Variants in SOX9 observed in about 807,000 individuals in gnomAD.
SOX9 encodes transcription factor SOX-9.
A neutral mutation model predicts 44.8 loss-of-function variants in SOX9; 2 were observed. The ratio of observed to expected loss-of-function variants is 0.04; its 90% CI spans 0.02 to 0.14. SOX9 has a LOEUF of 0.14. SOX9 is among the 10% of genes least tolerant of loss of function. The probability of loss-of-function intolerance (pLI) is 1.00; values close to 1 mark genes in which losing one functional copy is unlikely to be tolerated. For missense variants in SOX9, 583 were observed against 728.6 expected, an observed-to-expected ratio of 0.80 and a Z score of 2.30; for synonymous variants, 381 against 331.8, an observed-to-expected ratio of 1.15 and a Z score of -1.61.
At position 72,123,027 on chromosome 17, in the gene SOX9, C is replaced by T. The variant is rs1908157561; in HGVS notation, c.685+55C>T. 1 of 1,595,512 alleles carries T rather than the reference C, an allele frequency of 6.3e-7. No individual in the cohort carries two copies. Among genetic ancestry groups the T allele is most frequent in the Non-Finnish European group, 8.5e-7 (1 of 1,172,872 alleles). On this transcript the variant is annotated intron_variant, in intron 2 of 2. Coordinates refer to ENST00000245479, the MANE Select transcript of SOX9 (RefSeq NM_000346.4). This position sits in a 1 kb window ranked among gnomAD's most constrained non-coding sequence, Gnocchi z 6.5. ...GCTATCTCCGTCCCGCCTGGCACAC[C>T]CCCTGCCCTCCGCCTGGGAGATTCT...
rs1178870265 is a variant in SOX9 at position 72,124,920 on chromosome 17, A to C, written c.*533A>C. ...AATTAAATGCTCTTATTTTTCCAAC[A>C]GCTAAACTACTCTTAGTTGAACAGT... On this transcript the variant is annotated 3_prime_UTR_variant, in exon 3 of 3. Transcript: ENST00000245479. The surrounding 1 kb of genome is among the most constrained non-coding windows in gnomAD (Gnocchi z 4.6). 1 of 241,206 alleles carries C rather than the reference A, an allele frequency of 4.1e-6. No homozygotes were observed. The highest frequency in any genetic ancestry group is 2.2e-5 in the African/African-American group (1 of 45,012). The allele number at this position is 241,206 out of a possible 1,614,324, so 14.9% of individuals were successfully genotyped here.
intron 1 of SOX9, among the ~76,000 whole-genome samples, chr17:72,122,176 G>A (rs1428145253): frequency 1.3e-5 from 2 of 151,942 alleles, no homozygotes; most frequent in East Asian, 1.9e-4. Context: ...CCTCCTACCC[G>A]GCCTCTTAAA....
rs774405051 is a variant in SOX9, at chr17:72,123,866, T to G, written c.1009T>G (p.Ser337Ala). 6.4e-7 allele frequency: 1 copy of G among 1,560,232 alleles called. No homozygotes were observed. Among genetic ancestry groups the G allele is most frequent in the South Asian group, 1.2e-5 (1 of 86,810 alleles). ...TPASAGHVWM[S>A]KQQAPPPPPQ... The stretch of plus-strand genomic sequence containing the variant: ...GGCGAGCGCGGGCCACGTGTGGATG[T>G]CCAAGCAGCAGGCGCCGCCGCCACC... Residue 337 changes from serine (S) to alanine (A), a missense_variant, in exon 3 of 3, where the codon TCC becomes GCC. By Grantham distance (99) the Ser-to-Ala change is moderately conservative. This residue lies in a region of SOX9 where 349 missense variants were observed against 387.0 expected (regional missense o/e 0.90). Transcript: ENST00000245479. The surrounding 1 kb of genome is among the most constrained non-coding windows in gnomAD (Gnocchi z 6.5).
Position 72,123,447 on chromosome 17 carries a change from T to C in SOX9, c.686-96T>C, listed in dbSNP as rs1908172302. ...CGCGGGTGCGGGCCCTTATTACACT[T>C]TAGCAGCGAGGGAGGGTCCCCGGAG... On this transcript the variant is annotated intron_variant, in intron 2 of 2. Coordinates refer to ENST00000245479, the MANE Select transcript of SOX9 (RefSeq NM_000346.4). The surrounding 1 kb of genome is among the most constrained non-coding windows in gnomAD (Gnocchi z 6.5). 1.3e-6 allele frequency: 2 copies of C among 1,560,062 alleles called. No individual in the cohort carries two copies. The highest frequency in any genetic ancestry group is 1.8e-6 in the Non-Finnish European group (2 of 1,133,768).
chr17:72,121,860 C>A lies in SOX9; in HGVS notation c.431+38C>A. 1.3e-6 allele frequency: 2 copies of A among 1,510,486 alleles called. No individual in the cohort carries two copies. The highest frequency in any genetic ancestry group is 1.8e-6 in the Non-Finnish European group (2 of 1,129,536). 93.6% of individuals were successfully genotyped at this position (1,510,486 alleles called of 1,614,324 possible). ...GGGGGCGGCGCGGCAGGGTGGGCAT[C>A]GCGGCGGCTGGGGGCGCTGGTCAGG... On this transcript the variant is annotated intron_variant, in intron 1 of 2. Coordinates refer to ENST00000245479, the MANE Select transcript of SOX9 (RefSeq NM_000346.4). The surrounding 1 kb of genome is among the most constrained non-coding windows in gnomAD (Gnocchi z 8.3).
Position 72,121,294 on chromosome 17 carries a change from C to A in SOX9, c.-98C>A. On this transcript the variant is annotated 5_prime_UTR_variant, in exon 1 of 3. Transcript: ENST00000245479. The surrounding 1 kb of genome is among the most constrained non-coding windows in gnomAD (Gnocchi z 8.3). ...TCCCCGGGAGCCGCTTGCTCCGCAT[C>A]CGGGCAGCCGAGGGGAGAGGAGCCC... 8.8e-7 allele frequency: 1 copy of A among 1,141,484 alleles called. No individual in the cohort carries two copies. The highest frequency in any genetic ancestry group is 1.3e-6 in the Non-Finnish European group (1 of 775,928). 70.7% of individuals were successfully genotyped at this position (1,141,484 alleles called of 1,614,324 possible).
chr17:72,123,321 C>A lies in SOX9; in HGVS notation c.686-222C>A, dbSNP rs951897875. ...ACAAGTAGCAATTAGGTCTTCCGGA[C>A]CCTCCGGGCCCCAGACCCTCCCCTG... On this transcript the variant is annotated intron_variant, in intron 2 of 2. Transcript: ENST00000245479. This position sits in a 1 kb window ranked among gnomAD's most constrained non-coding sequence, Gnocchi z 6.5. 2.6e-5 allele frequency among the ~76,000 whole-genome samples: 4 copies of A among 152,228 alleles called. No individual in the cohort carries two copies. Among genetic ancestry groups the A allele is most frequent in the Admixed American group, 1.3e-4 (2 of 15,290 alleles).
rs1435920130 is a variant in SOX9, at chr17:72,126,287, G to C, written c.*1900G>C. On this transcript the variant is annotated 3_prime_UTR_variant, in exon 3 of 3. Transcript: ENST00000245479. ...AAGCTTTGGTTTGTGTTCGTGTTTT[G>C]TTTGTTTCACTTGTTTCCCTCCCAG... 1.3e-5 allele frequency: 3 copies of C among 231,602 alleles called. No homozygotes were observed. The allele number at this position is 231,602 out of a possible 1,614,324, so 14.3% of individuals were successfully genotyped here.
At position 72,122,948 on chromosome 17, in the gene SOX9, G is replaced by A; in HGVS notation, c.661G>A (p.Val221Met). The change falls in exon 2 of 3, where the codon GTG (valine) becomes ATG (methionine). Residue 221 changes from valine (V) to methionine (M), a missense_variant. Physicochemically the swap from Val to Met is conservative, Grantham distance 21. Coordinates refer to ENST00000245479, the MANE Select transcript of SOX9 (RefSeq NM_000346.4). ...ACACTCCTCCTCCGGCATGAGCGAG[G>A]TGCACTCCCCCGGCGAGCACTCGGG... is the stretch of plus-strand genomic sequence containing the variant. Reference protein sequence around the residue: ...SPHSSSGMSEVHSPGEHSGQS... With the variant: ...SPHSSSGMSEMHSPGEHSGQS... 1 of 1,613,856 alleles carries A rather than the reference G, an allele frequency of 6.2e-7. No individual in the cohort carries two copies. The highest frequency in any genetic ancestry group is 1.1e-5 in the South Asian group (1 of 91,080).
rs1468245627 is a variant in SOX9, at chr17:72,124,418, G to C, written c.*31G>C. On this transcript the variant is annotated 3_prime_UTR_variant, in exon 3 of 3. Transcript: ENST00000245479. The surrounding 1 kb of genome is among the most constrained non-coding windows in gnomAD (Gnocchi z 4.6). ...CCTCCCACGAAGGGCGAAGATGGCCGAGATGATCCTAAAAATAACCGAAGA... is the reference window on the plus strand; with the variant it reads ...CCTCCCACGAAGGGCGAAGATGGCCCAGATGATCCTAAAAATAACCGAAGA... 2 of 1,598,490 alleles carry C rather than the reference G, an allele frequency of 1.3e-6. No individual in the cohort carries two copies. Among genetic ancestry groups the C allele is most frequent in the Non-Finnish European group, 1.7e-6 (2 of 1,178,826 alleles).
At position 72,125,341 on chromosome 17, in the gene SOX9, G is replaced by C. The variant is rs1908251635; in HGVS notation, c.*954G>C. On this transcript the variant is annotated 3_prime_UTR_variant, in exon 3 of 3. Coordinates refer to ENST00000245479, the MANE Select transcript of SOX9 (RefSeq NM_000346.4). ...AGAAAGAGGTAAAAGGCAAGCAAAGGAGATGAAATCTGTTCTGGGAATGTT... is the reference window on the plus strand; with the variant it reads ...AGAAAGAGGTAAAAGGCAAGCAAAGCAGATGAAATCTGTTCTGGGAATGTT... 2 of 228,190 alleles carry C rather than the reference G, an allele frequency of 8.8e-6. No homozygotes were observed. Among genetic ancestry groups the C allele is most frequent in the African/African-American group, 4.4e-5 (2 of 45,006 alleles). 14.1% of individuals were successfully genotyped at this position (228,190 alleles called of 1,614,324 possible).
intron 1 of SOX9, among the ~76,000 whole-genome samples, 154 bp from the exon 2 acceptor site, chr17:72,122,565 G>A (rs1282950264): frequency 6.6e-6 from 1 of 152,032 alleles, no homozygotes; most frequent in East Asian, 1.9e-4. Context: ...AAAGTTATGA[G>A]CTGTGGTTGC....
rs1179937364 is a variant in SOX9 at position 72,121,341 on chromosome 17, C to T, written c.-51C>T. ...GCCCGCGCCTCGAGTCCCCGAGCCG[C>T]CGCGGCTTCTCGCCTTTCCCGGCCA... On this transcript the variant is annotated 5_prime_UTR_variant, in exon 1 of 3. Transcript: ENST00000245479. This position sits in a 1 kb window ranked among gnomAD's most constrained non-coding sequence, Gnocchi z 8.3. 6.4e-7 allele frequency: 1 copy of T among 1,563,770 alleles called. No homozygotes were observed. The highest frequency in any genetic ancestry group is 1.1e-5 in the South Asian group (1 of 89,288).
chr17:72,124,379 C>A lies in SOX9; in HGVS notation c.1522C>A (p.Arg508=). The change falls in exon 3 of 3, where the codon CGA becomes AGA. Residue 508 remains arginine (R), a synonymous_variant. Coordinates refer to ENST00000245479, the MANE Select transcript of SOX9 (RefSeq NM_000346.4). The surrounding 1 kb of genome is among the most constrained non-coding windows in gnomAD (Gnocchi z 4.6). ...WEQPVYTQLT[R]P is the part of the protein sequence containing the mutation. ...ACAACCCGTCTACACACAGCTCACTCGACCTTGAGGAGGCCTCCCACGAAG... is the reference window on the plus strand; with the variant it reads ...ACAACCCGTCTACACACAGCTCACTAGACCTTGAGGAGGCCTCCCACGAAG... 1.2e-6 allele frequency: 2 copies of A among 1,600,200 alleles called. No individual in the cohort carries two copies. The highest frequency in any genetic ancestry group is 1.7e-6 in the Non-Finnish European group (2 of 1,179,956).
rs2143252209 is a variant in SOX9 at position 72,123,764 on chromosome 17, C to T, written c.907C>T (p.His303Tyr). Residue 303 changes from histidine to tyrosine, a missense_variant, in exon 3 of 3, where the codon CAC becomes TAC. This residue lies in a region of SOX9 where 349 missense variants were observed against 387.0 expected (regional missense o/e 0.90). Transcript: ENST00000245479. This position sits in a 1 kb window ranked among gnomAD's most constrained non-coding sequence, Gnocchi z 6.5. ...EFDQYLPPNG[H>Y]PGVPATHGQV... ...TGACCAGTACCTGCCGCCCAACGGCCACCCGGGGGTGCCGGCCACGCACGG... is the reference window on the plus strand; with the variant it reads ...TGACCAGTACCTGCCGCCCAACGGCTACCCGGGGGTGCCGGCCACGCACGG... The T allele has an allele frequency of 6.2e-7, 1 of 1,613,464 alleles. No individual in the cohort carries two copies. The highest frequency in any genetic ancestry group is 8.5e-7 in the Non-Finnish European group (1 of 1,179,936).
Position 72,122,954 on chromosome 17 carries a change from T to C in SOX9, c.667T>C (p.Ser223Pro). Reference protein sequence around the residue: ...HSSSGMSEVHSPGEHSGQSQG... With the variant: ...HSSSGMSEVHPPGEHSGQSQG... ...CTCCTCCGGCATGAGCGAGGTGCACTCCCCCGGCGAGCACTCGGGTGAGTC... is the reference window on the plus strand; with the variant it reads ...CTCCTCCGGCATGAGCGAGGTGCACCCCCCCGGCGAGCACTCGGGTGAGTC... The change falls in exon 2 of 3, where the codon TCC (serine) becomes CCC (proline). Residue 223 changes from serine to proline, a missense_variant. By Grantham distance (74) the Ser-to-Pro change is moderately conservative. This residue lies in a region of SOX9 where 88 missense variants were observed against 65.5 expected (regional missense o/e 1.34). Coordinates refer to ENST00000245479, the MANE Select transcript of SOX9 (RefSeq NM_000346.4). 6.2e-7 allele frequency: 1 copy of C among 1,613,478 alleles called. No homozygotes were observed. Among genetic ancestry groups the C allele is most frequent in the Non-Finnish European group, 8.5e-7 (1 of 1,179,914 alleles).
In SOX9 at chr17:72,121,278, GC is replaced by G; in HGVS notation, c.-112del. The stretch of plus-strand genomic sequence containing the variant: ...GGCCGACGCGCCAGCTTCCCCGGGA[GC>G]CGCTTGCTCCGCATCCGGGCAGCCG... On this transcript the variant is annotated 5_prime_UTR_variant, in exon 1 of 3. Transcript: ENST00000245479. The surrounding 1 kb of genome is among the most constrained non-coding windows in gnomAD (Gnocchi z 8.3). The G allele has an allele frequency of 1.0e-6, 1 of 960,992 alleles. No homozygotes were observed. The highest frequency in any genetic ancestry group is 1.5e-5 in the South Asian group (1 of 66,202). The allele number at this position is 960,992 out of a possible 1,614,324, so 59.5% of individuals were successfully genotyped here.
chr17:72,125,701 A>C lies in SOX9; in HGVS notation c.*1314A>C, dbSNP rs1051244810. 1 of 227,666 alleles carries C rather than the reference A, an allele frequency of 4.4e-6. No homozygotes were observed. The highest frequency in any genetic ancestry group is 8.7e-6 in the Non-Finnish European group (1 of 114,446). The allele number at this position is 227,666 out of a possible 1,614,324, so 14.1% of individuals were successfully genotyped here. ...CTCTTTAATCTTTTTTTATTATTAA[A>C]AGCAAGTTTCTTTGTATTCCTCACC... On this transcript the variant is annotated 3_prime_UTR_variant, in exon 3 of 3. Coordinates refer to ENST00000245479, the MANE Select transcript of SOX9 (RefSeq NM_000346.4).
Position 72,125,044 on chromosome 17 carries a change from G to C in SOX9, c.*657G>C, listed in dbSNP as rs1278001433. 4.4e-6 allele frequency: 1 copy of C among 226,624 alleles called. No individual in the cohort carries two copies. Among genetic ancestry groups the C allele is most frequent in the Non-Finnish European group, 8.8e-6 (1 of 113,806 alleles). The allele number at this position is 226,624 out of a possible 1,614,324, so 14.0% of individuals were successfully genotyped here. ...CCTGTTGTATTAACATTTAAAAACA[G>C]AATTGTGTTATGTGATCAGTTTTGG... On this transcript the variant is annotated 3_prime_UTR_variant, in exon 3 of 3. Transcript: ENST00000245479.
Sources: gnomAD v4.1 joint callset for allele counts (sites outside exome capture counted in the v4.1 genomes callset) on GRCh38, gnomAD v4.1.1 for gene constraint, gnomAD v4.1.1 regional missense constraint, Gnocchi (gnomAD v3.1) non-coding constraint, MANE v1.5 for transcripts, NCBI Gene and HGNC (gene_info 2026-07-23, HGNC 2026-07-21) for gene names.